Variants in PLAAT5 observed in about 807,000 individuals in gnomAD.
PLAAT5 encodes phospholipase A and acyltransferase 5, also known as Ca(2+)-independent N-acyltransferase.
In PLAAT5, 27 loss-of-function variants were observed where a neutral mutation model predicts 27.8. The observed-to-expected ratio is 0.97, with a 90% confidence interval of 0.72 to 1.34. The LOEUF (loss-of-function observed/expected upper bound fraction) is 1.34, where lower values mean the gene tolerates loss of function less well. Ranked by LOEUF, PLAAT5 falls within the 40% of genes most tolerant of loss-of-function variation. The pLI is 0.00. For synonymous variants in PLAAT5, 125 were observed against 136.1 expected (o/e 0.92, Z 0.57); for missense variants, 368 against 343.8 (o/e 1.07, Z -0.56).
Position 63,462,291 on chromosome 11 carries a change from G to A in PLAAT5, c.*1212C>T, listed in dbSNP as rs1158110800. ...TGGGAACTCAACTGATTCTCAGGCA[G>A]GGGAGTGTGAGAAGAAATGGGGAAG... On this transcript the variant is annotated 3_prime_UTR_variant, in exon 6 of 6. Coordinates refer to ENST00000540857, the MANE Select transcript of PLAAT5 (RefSeq NM_001146729.2). 1 of 152,210 alleles carries A rather than the reference G, an allele frequency of 6.6e-6. No individual in the cohort carries two copies. The highest frequency in any genetic ancestry group is 3.2e-3 in the Middle Eastern group (1 of 316). The allele number at this position is 152,210 out of a possible 1,614,324, so 9.4% of individuals were successfully genotyped here.
At chr11:63,465,768 T>G (rs902525488) in intron 5 of PLAAT5, among the ~76,000 whole-genome samples, 1 of 152,044 alleles carries the variant, frequency 6.6e-6, no homozygotes, top group African/African-American at 2.4e-5. Context: ...CCAGCCTAGG[T>G]GACAGAGTGA....
chr11:63,483,784 A>AAAAAT lies in PLAAT5; in HGVS notation c.345+5086_345+5087insATTTT, dbSNP rs1397719113. On this transcript the variant is annotated intron_variant, in intron 3 of 5. Coordinates refer to ENST00000540857, the MANE Select transcript of PLAAT5 (RefSeq NM_001146729.2). ...GTAAATGAAATTGAAGCAAAAAAAA[A>AAAAAT]ATATATATATATATATGTATATATA... is the stretch of plus-strand genomic sequence containing the variant. 6.7e-4 allele frequency among the ~76,000 whole-genome samples: 44 copies of AAAAAT among 65,670 alleles called. 1 individual carries two copies. Among genetic ancestry groups the AAAAAT allele is most frequent in the African/African-American group, 4.1e-3 (42 of 10,232 alleles). 43.1% of individuals were successfully genotyped at this position (65,670 alleles called of 152,430 possible). A position where few individuals can be genotyped will look rare whatever the true frequency, so the allele number is the denominator to read the frequency against.
intron 3 of PLAAT5, among the ~76,000 whole-genome samples, chr11:63,488,663 A>G (rs1294330516): frequency 6.8e-6 from 1 of 146,628 alleles, no homozygotes; most frequent in Non-Finnish European, 1.5e-5. Context: ...ACATTATGAG[A>G]CTTTTTTGTG....
intron 3 of PLAAT5, among the ~76,000 whole-genome samples, chr11:63,483,432 A>G (rs928341378): frequency 2.6e-5 from 4 of 152,024 alleles, no homozygotes; most frequent in Non-Finnish European, 2.9e-5. Context: ...GTGGAATAAA[A>G]TTAGAAATTA....
intron 3 of PLAAT5, among the ~76,000 whole-genome samples, chr11:63,486,700 T>C (rs563439203): frequency 3.3e-5 from 5 of 152,230 alleles, no homozygotes; most frequent in Non-Finnish European, 7.4e-5. Context: ...GACTACACAT[T>C]GAGTATAGTG....
rs767190469 is a variant in PLAAT5, at chr11:63,490,302, C to T, written c.180G>A (p.Gln60=). Residue 60 remains glutamine (Q), a synonymous_variant, in exon 2 of 6, where the codon CAG becomes CAA. Coordinates refer to ENST00000540857, the MANE Select transcript of PLAAT5 (RefSeq NM_001146729.2). ...EESVGFAALV[Q]LPAKQPPPGT... ...CCGGCGGAGGCTGCTTGGCTGGGAG[C>T]TGGACCAACGCTGCGAATCCCACGG... 26 of 1,614,056 alleles carry T rather than the reference C, an allele frequency of 1.6e-5. No individual in the cohort carries two copies. Among genetic ancestry groups the T allele is most frequent in the Non-Finnish European group, 2.0e-5 (24 of 1,180,038 alleles).
intron 3 of PLAAT5, among the ~76,000 whole-genome samples, chr11:63,479,702 G>A (rs935273350): frequency 6.6e-6 from 1 of 152,164 alleles, no homozygotes; most frequent in Admixed American, 6.5e-5. Context: ...CATCCTCACT[G>A]TTACAGTAAT....
chr11:63,490,555 G>C (rs1218960524), intron 1 of PLAAT5: 3 of 700,118 alleles, frequency 4.3e-6, no homozygotes, highest in African/African-American at 3.6e-5. Flanking sequence ...CCTGGGAACG[G>C]AATCGGGGAG....
chr11:63,483,775 CAAA>C lies in PLAAT5; in HGVS notation c.345+5093_345+5095del, dbSNP rs1219483123. Among the ~76,000 whole-genome samples the C allele has an allele frequency of 9.4e-3, 261 of 27,760 alleles. 6 individuals carry two copies. The highest frequency in any genetic ancestry group is 0.046 in the African/African-American group (240 of 5,262). The allele number at this position is 27,760 out of a possible 152,430, so 18.2% of individuals were successfully genotyped here. On this transcript the variant is annotated intron_variant, in intron 3 of 5. Coordinates refer to ENST00000540857, the MANE Select transcript of PLAAT5 (RefSeq NM_001146729.2). The stretch of plus-strand genomic sequence containing the variant: ...AGAGCAGAAGTAAATGAAATTGAAG[CAAA>C]AAAAAAATATATATATATATATGTA...
At chr11:63,463,882 C>A (rs1172034779) in intron 5 of PLAAT5, among the ~76,000 whole-genome samples, 1 of 152,192 alleles carries the variant, frequency 6.6e-6, no homozygotes, top group East Asian at 1.9e-4. Flanking sequence ...AGCACCACAG[C>A]CACTGAGGCC....
At chr11:63,478,101 G>T (rs2016194339) in intron 3 of PLAAT5, among the ~76,000 whole-genome samples, 1 of 152,158 alleles carries the variant, frequency 6.6e-6, no homozygotes, top group Admixed American at 6.5e-5. Flanking sequence ...CCTCAAGCTA[G>T]CTGCAATTTT....
chr11:63,483,783 A>AT (rs1565215022), intron 3 of PLAAT5, among the ~76,000 whole-genome samples: 18 of 96,186 alleles, frequency 1.9e-4, no homozygotes, highest in Non-Finnish European at 2.8e-4. Flanking sequence ...AGCAAAAAAA[A>AT]AATATATATA....
rs577773277 is a variant in PLAAT5, at chr11:63,468,153, T to C, written c.454+204A>G. Among the ~76,000 whole-genome samples, 3 of 152,342 alleles carry C rather than the reference T, an allele frequency of 2.0e-5. No individual in the cohort carries two copies. The East Asian group carries it at 5.8e-4, about 29-fold the overall frequency. On this transcript the variant is annotated intron_variant, in intron 4 of 5. Transcript: ENST00000540857. ...GGAACTTGGGCCACGCTCTTTACAC[T>C]TGTATCACTCTTAGGCCTGGACACT...
chr11:63,490,974 G>T lies in PLAAT5; in HGVS notation c.61C>A (p.Pro21Thr). 1 of 1,582,528 alleles carries T rather than the reference G, an allele frequency of 6.3e-7. No individual in the cohort carries two copies. Among genetic ancestry groups the T allele is most frequent in the Non-Finnish European group, 8.6e-7 (1 of 1,164,824 alleles). The change falls in exon 1 of 6, where the codon CCC becomes ACC. Residue 21 changes from proline (P) to threonine (T), a missense_variant. Transcript: ENST00000540857. Reference protein sequence around the residue: ...YALRLPRIPPPLPKPASRTAS... With the variant: ...YALRLPRIPPTLPKPASRTAS... ...GTTCGCGAGGCGGGTTTGGGGAGGG[G>T]TGGGGGAATCCTAGGGAGGCGGAGC...
intron 3 of PLAAT5, among the ~76,000 whole-genome samples, chr11:63,471,236 T>C (rs1479990691): frequency 1.3e-5 from 2 of 152,230 alleles, no homozygotes; most frequent in Non-Finnish European, 2.9e-5. Context: ...AGACACTTCA[T>C]ACATTACACT....
At chr11:63,467,921 G>A (rs1423019203) in intron 4 of PLAAT5, among the ~76,000 whole-genome samples, 4 of 152,230 alleles carry the variant, frequency 2.6e-5, no homozygotes, top group African/African-American at 9.7e-5. Context: ...GACAAGGTGA[G>A]GACGAAGGTG....
At chr11:63,483,827 A>ATATATATATATATATG (rs2016364704) in intron 3 of PLAAT5, among the ~76,000 whole-genome samples, 1 of 109,796 alleles carries the variant, frequency 9.1e-6, no homozygotes, top group African/African-American at 3.4e-5. Flanking sequence ...ATATATATAT[A>ATATATATATATATATG]TATATATATA....
At chr11:63,482,511 A>G (rs368339923) in intron 3 of PLAAT5, among the ~76,000 whole-genome samples, 13 of 152,204 alleles carry the variant, frequency 8.5e-5, no homozygotes, top group African/African-American at 2.4e-4. Context: ...ATCCAGCAAA[A>G]TTAAGCTTCA....
chr11:63,462,086 T>C lies in PLAAT5; in HGVS notation c.*1417A>G, dbSNP rs188899728. The C allele has an allele frequency of 2.0e-5, 3 of 152,338 alleles. No individual in the cohort carries two copies. In the East Asian group the frequency reaches 5.8e-4, roughly 29 times the overall value. The allele number at this position is 152,338 out of a possible 1,614,324, so 9.4% of individuals were successfully genotyped here. On this transcript the variant is annotated 3_prime_UTR_variant, in exon 6 of 6. Transcript: ENST00000540857. The stretch of plus-strand genomic sequence containing the variant: ...CAGTTTGTTTGATGAAAGATTAATA[T>C]GGTCAATGAGCTCAAAGTCATCTTC...
Sources: allele counts gnomAD v4.1 joint callset (sites outside exome capture counted in the v4.1 genomes callset), GRCh38; gene constraint gnomAD v4.1.1; transcripts MANE v1.5; gene names NCBI Gene and HGNC (gene_info 2026-07-23, HGNC 2026-07-21).